Variants in ZFHX3 observed in about 807,000 individuals in gnomAD.
ZFHX3 encodes zinc finger homeobox protein 3.
ZFHX3 carries 42 observed loss-of-function variants against 279.1 expected under a neutral mutation model. That is an observed-to-expected ratio of 0.15 (90% CI 0.12 to 0.19). The LOEUF (loss-of-function observed/expected upper bound fraction) is 0.19, where lower values mean the gene tolerates loss of function less well. ZFHX3 is among the 10% of genes least tolerant of loss of function. The pLI is 1.00. For synonymous variants in ZFHX3, 2,293 were observed against 1,957.8 expected (o/e 1.17, Z -4.52); for missense variants, 4,981 against 4,754.0 (o/e 1.05, Z -1.40).
At chr16:73,642,272 G>T (rs1163696267) in intron 2 of ZFHX3, among the ~76,000 whole-genome samples, 1 of 152,296 alleles carries the variant, frequency 6.6e-6, no homozygotes, top group East Asian at 1.9e-4. Flanking sequence ...GTCTTTGAGA[G>T]GATACAGATG....
At chr16:73,856,877 T>C (rs551485749) in intron 1 of ZFHX3, among the ~76,000 whole-genome samples, 1 of 152,338 alleles carries the variant, frequency 6.6e-6, no homozygotes, top group South Asian at 2.1e-4. Flanking sequence ...AGAAAAAATG[T>C]TTCCATGCCC....
At chr16:73,145,879 A>T (rs889382485) in intron 5 of ZFHX3, among the ~76,000 whole-genome samples, 1 of 152,242 alleles carries the variant, frequency 6.6e-6, no homozygotes, top group Non-Finnish European at 1.5e-5. Context: ...CGAACATAAA[A>T]AGAAGGCAAT....
intron 3 of ZFHX3, among the ~76,000 whole-genome samples, chr16:73,389,761 A>G (rs2016974429): frequency 6.6e-6 from 1 of 152,218 alleles, no homozygotes; most frequent in South Asian, 2.1e-4. Context: ...AAGGGGGACG[A>G]TCCTTTTTGA....
At chr16:72,969,323 G>C (rs1210057527) in intron 1 of ZFHX3, among the ~76,000 whole-genome samples, 1 of 152,148 alleles carries the variant, frequency 6.6e-6, no homozygotes, top group Non-Finnish European at 1.5e-5. Context: ...GAGCCTTCCA[G>C]TTGGAGAAGA....
chr16:72,788,099 GC>G lies in ZFHX3; in HGVS notation c.10176del (p.Gln3392HisfsTer93). Reference sequence around the variant, plus strand: ...GTTTGGCTTGCTTTGGGCTGCTGCTGCTGCACTTTTTGCTGCTGCTGCTGCT... The same window carrying G: ...GTTTGGCTTGCTTTGGGCTGCTGCTGTGCACTTTTTGCTGCTGCTGCTGCT... ...QLQQQQQQKV[Q>X]QQQPKASQTP... On this transcript the variant is annotated frameshift_variant, in exon 10 of 10. Coordinates refer to ENST00000268489, the MANE Select transcript of ZFHX3 (RefSeq NM_006885.4). LOFTEE classifies it high-confidence loss of function. 1 of 1,608,654 alleles carries G rather than the reference GC, an allele frequency of 6.2e-7. No homozygotes were observed. The highest frequency in any genetic ancestry group is 1.1e-5 in the South Asian group (1 of 90,988).
intron 2 of ZFHX3, among the ~76,000 whole-genome samples, chr16:73,552,151 G>T (rs939753672): frequency 4.6e-5 from 7 of 152,096 alleles, no homozygotes; most frequent in African/African-American, 1.4e-4. Flanking sequence ...AAATTGCATT[G>T]ATCTGGTATT....
intron 1 of ZFHX3, among the ~76,000 whole-genome samples, chr16:73,818,435 C>G (rs1199808243): frequency 6.6e-6 from 1 of 152,130 alleles, no homozygotes; most frequent in East Asian, 1.9e-4. Context: ...ATTTGATGTA[C>G]AAATGGCATA....
chr16:73,628,250 C>T (rs2052436835), intron 2 of ZFHX3, among the ~76,000 whole-genome samples: 2 of 152,056 alleles, frequency 1.3e-5, no homozygotes, highest in Admixed American at 1.3e-4. Flanking sequence ...ACTAGGTGAC[C>T]CTAATTTTCC....
At chr16:73,663,119 G>A (rs1264021715) in intron 2 of ZFHX3, among the ~76,000 whole-genome samples, 5 of 152,210 alleles carry the variant, frequency 3.3e-5, no homozygotes, top group African/African-American at 7.2e-5. Flanking sequence ...AGGAGTGAAA[G>A]CCATTCTGAT....
At chr16:73,694,309 C>T (rs1380732801) in intron 1 of ZFHX3, among the ~76,000 whole-genome samples, 5 of 152,018 alleles carry the variant, frequency 3.3e-5, no homozygotes, top group African/African-American at 9.7e-5. Context: ...GGCAGCAGAG[C>T]GAGGCTATCT....
rs73607341 is a variant in ZFHX3, at chr16:73,888,239, T to C, written c.-1608+3412A>G. On this transcript the variant is annotated intron_variant, in intron 1 of 17. Coordinates refer to the ZFHX3 transcript ENST00000641206. Reference sequence around the variant, plus strand: ...TTTTCACAAAATAATGAAGAAGAAATGTCATGCTAGCAGCGGTAACGGCAT... The same window carrying C: ...TTTTCACAAAATAATGAAGAAGAAACGTCATGCTAGCAGCGGTAACGGCAT... Among the ~76,000 whole-genome samples the C allele has an allele frequency of 3.4e-3, 523 of 152,190 alleles. 3 individuals carry two copies. Among genetic ancestry groups the C allele is most frequent in the African/African-American group, 0.012 (498 of 41,516 alleles).
At chr16:73,718,991 G>T (rs1040526796) in intron 1 of ZFHX3, among the ~76,000 whole-genome samples, 4 of 152,166 alleles carry the variant, frequency 2.6e-5, no homozygotes, top group African/African-American at 4.8e-5. Flanking sequence ...TAAGGTTTAA[G>T]TTCCATTAAA....
At chr16:72,873,608 G>C (rs1270313873) in intron 4 of ZFHX3, among the ~76,000 whole-genome samples, 1 of 152,098 alleles carries the variant, frequency 6.6e-6, no homozygotes, top group African/African-American at 2.4e-5. Flanking sequence ...GTAATTACCA[G>C]GTTTTCTGCT....
intron 3 of ZFHX3, among the ~76,000 whole-genome samples, chr16:72,891,297 G>C (rs73590762): frequency 0.066 from 10,028 of 152,192 alleles, 525 homozygotes; most frequent in East Asian, 0.15. Context: ...CAGCCTAAGA[G>C]CCTCCAGGAG....
intron 1 of ZFHX3, among the ~76,000 whole-genome samples, chr16:73,869,927 G>A (rs534203587): frequency 1.3e-5 from 2 of 152,214 alleles, no homozygotes; most frequent in South Asian, 2.1e-4. Flanking sequence ...CAAAGCAGAT[G>A]CTCAATAAAC....
At chr16:72,799,774 G>T (rs1271974049) in intron 8 of ZFHX3, among the ~76,000 whole-genome samples, 1 of 152,218 alleles carries the variant, frequency 6.6e-6, no homozygotes, top group South Asian at 2.1e-4. Context: ...TATAGTTTAA[G>T]AAGATGTGTG....
chr16:73,571,405 G>A (rs2676679), intron 2 of ZFHX3, among the ~76,000 whole-genome samples: 96,465 of 151,918 alleles, frequency 0.63, 31,127 homozygotes, highest in Non-Finnish European at 0.66. Flanking sequence ...GGAGATATAT[G>A]TGTATTTTTA....
chr16:73,886,387 G>A (rs1171685373), intron 1 of ZFHX3, among the ~76,000 whole-genome samples: 1 of 152,090 alleles, frequency 6.6e-6, no homozygotes, highest in African/African-American at 2.4e-5. Flanking sequence ...GAAAGAAAGG[G>A]ATCTGCAGTT....
At chr16:72,891,615 A>C (rs2038775613) in intron 3 of ZFHX3, among the ~76,000 whole-genome samples, 1 of 152,166 alleles carries the variant, frequency 6.6e-6, no homozygotes, top group Admixed American at 6.5e-5. Context: ...AGCTTAAATG[A>C]CTGACCCAAG....
Sources: allele counts gnomAD v4.1 joint callset (sites outside exome capture counted in the v4.1 genomes callset), GRCh38; gene constraint gnomAD v4.1.1; transcripts MANE v1.5; gene names NCBI Gene and HGNC (gene_info 2026-07-23, HGNC 2026-07-21).